The following C1orf162 variants were observed in gnomAD, a reference collection of about 807,000 sequenced individuals.
C1orf162 encodes the protein transmembrane protein C1orf162.
In C1orf162, 10 loss-of-function variants were observed where a neutral mutation model predicts 11.4. The observed-to-expected ratio is 0.88, with a 90% CI of 0.54 to 1.48. The LOEUF is 1.48. Among genes scored for constraint, C1orf162 ranks in the 40% most tolerant of loss-of-function variants. C1orf162 has a pLI of 0.00. For synonymous variants in C1orf162, 53 were observed against 55.0 expected, an observed-to-expected ratio of 0.96 and a Z score of 0.16; for missense variants, 140 against 149.5, an observed-to-expected ratio of 0.94 and a Z score of 0.33.
intron 4 of C1orf162, 76 bp from the exon 5 acceptor site, chr1:111,477,650 G>A: frequency 2.0e-6 from 3 of 1,510,118 alleles, no homozygotes; most frequent in Non-Finnish European, 2.7e-6. Context: ...CTTCACCCAA[G>A]ATCGAAGGGA....
intron 2 of C1orf162, 30 bp from the exon 3 acceptor site, chr1:111,476,768 T>C: frequency 6.2e-7 from 1 of 1,606,862 alleles, no homozygotes; most frequent in Non-Finnish European, 8.5e-7. Context: ...AAGTGACAGA[T>C]ACACTAATTC....
At position 111,478,077 on chromosome 1, in the gene C1orf162, C is replaced by G; in HGVS notation, c.347C>G (p.Ala116Gly). The G allele has an allele frequency of 6.2e-7, 1 of 1,614,176 alleles. No individual in the cohort carries two copies. The highest frequency in any genetic ancestry group is 1.1e-5 in the South Asian group (1 of 91,080). Residue 116 changes from alanine to glycine, a missense_variant, in exon 6 of 6, where the codon GCA becomes GGA. Physicochemically the swap from Ala to Gly is moderately conservative, Grantham distance 60. Coordinates refer to ENST00000369718, the MANE Select transcript of C1orf162 (RefSeq NM_001300834.2). ...KSNHLAENHS[A>G]DFDPIVYAQI... ...AATCACTTGGCTGAGAACCATTCTG[C>G]AGACTTTGACCCCATTGTCTATGCT...
At position 111,476,069 on chromosome 1, in the gene C1orf162, A is replaced by T. The variant is rs768168213; in HGVS notation, c.37+4A>T. 4 of 1,611,800 alleles carry T rather than the reference A, an allele frequency of 2.5e-6. No homozygotes were observed. Among genetic ancestry groups the T allele is most frequent in the Admixed American group, 3.3e-5 (2 of 59,980 alleles). ...TCCACATGTAAACCCGACACTGGTG[A>T]GTTTACGACAGGAATAATTACCTGC... On this transcript the variant is annotated splice_donor_region_variant and intron_variant, in intron 2 of 5. Coordinates refer to ENST00000369718, the MANE Select transcript of C1orf162 (RefSeq NM_001300834.2).
chr1:111,475,442 G>A (rs1335651767), intron 1 of C1orf162: 1 of 152,356 alleles, frequency 6.6e-6, no homozygotes, highest in Non-Finnish European at 1.5e-5. Flanking sequence ...AAGATAATAC[G>A]TGAACAGATT....
intron 5 of C1orf162, 98 bp from the exon 6 acceptor site, chr1:111,477,885 G>A: frequency 6.3e-7 from 1 of 1,595,190 alleles, no homozygotes; most frequent in Non-Finnish European, 8.6e-7. Context: ...CAGACACTGG[G>A]CAAGTGATTC....
At chr1:111,477,817 G>A (rs376550653) in intron 5 of C1orf162, 42 bp downstream of exon 5, 502 of 1,610,892 alleles carry the variant, frequency 3.1e-4, no homozygotes, top group Non-Finnish European at 3.7e-4. Context: ...AAGGGCTACC[G>A]TCATTGGAAT....
Position 111,476,778 on chromosome 1 carries a change from C to G in C1orf162, c.38-20C>G. 6.2e-7 allele frequency: 1 copy of G among 1,611,376 alleles called. No homozygotes were observed. The highest frequency in any genetic ancestry group is 8.5e-7 in the Non-Finnish European group (1 of 1,177,514). On this transcript the variant is annotated intron_variant, in intron 2 of 5. Transcript: ENST00000369718. Reference sequence around the variant, plus strand: ...ATGAAAAGTGACAGATACACTAATTCCTTTTGTGTTTTCTTGTAGAAAGAC... The same window carrying G: ...ATGAAAAGTGACAGATACACTAATTGCTTTTGTGTTTTCTTGTAGAAAGAC...
intron 1 of C1orf162, chr1:111,474,695 G>T (rs1360159609): frequency 2.0e-5 from 3 of 152,130 alleles, no homozygotes; most frequent in Non-Finnish European, 4.4e-5. Flanking sequence ...CTATTCTCAT[G>T]GCTCAGATTC....
rs770391879 is a variant in C1orf162, at chr1:111,476,084, T to A, written c.37+19T>A. 3.7e-6 allele frequency: 6 copies of A among 1,608,446 alleles called. No individual in the cohort carries two copies. In the South Asian group the frequency reaches 4.4e-5, roughly 12 times the overall value. ...GACACTGGTGAGTTTACGACAGGAATAATTACCTGCCTCACGTCTGAGTTA... is the reference window on the plus strand; with the variant it reads ...GACACTGGTGAGTTTACGACAGGAAAAATTACCTGCCTCACGTCTGAGTTA... On this transcript the variant is annotated intron_variant, in intron 2 of 5. Transcript: ENST00000369718.
chr1:111,478,210 G>T lies in C1orf162; in HGVS notation c.*87G>T. The T allele has an allele frequency of 6.6e-7, 1 of 1,524,312 alleles. No homozygotes were observed. The highest frequency in any genetic ancestry group is 9.0e-7 in the Non-Finnish European group (1 of 1,106,908). The allele number at this position is 1,524,312 out of a possible 1,614,324, so 94.4% of individuals were successfully genotyped here. ...CACTTTCACTTTTTTACAAATTTTG[G>T]ACCACCACCTGTGTGAAACTGCAGT... On this transcript the variant is annotated 3_prime_UTR_variant, in exon 6 of 6. Coordinates refer to ENST00000369718, the MANE Select transcript of C1orf162 (RefSeq NM_001300834.2).
rs1200155165 is a variant in C1orf162, at chr1:111,476,049, A to G, written c.21A>G (p.Thr7=). The change falls in exon 2 of 6, where the codon ACA becomes ACG. Residue 7 remains threonine, a synonymous_variant. Transcript: ENST00000369718. MGGNGS[T]CKPDTERQGT... is the part of the protein sequence containing the mutation. ...ACAGCATGGGAGGCAATGGCTCCAC[A>G]TGTAAACCCGACACTGGTGAGTTTA... is the stretch of plus-strand genomic sequence containing the variant. 20 of 1,613,270 alleles carry G rather than the reference A, an allele frequency of 1.2e-5. No individual in the cohort carries two copies. Among genetic ancestry groups the G allele is most frequent in the Admixed American group, 1.7e-5 (1 of 59,988 alleles).
chr1:111,478,503 A>C lies in C1orf162; in HGVS notation c.*380A>C, dbSNP rs879860281. 1.0e-5 allele frequency: 2 copies of C among 195,122 alleles called. No individual in the cohort carries two copies. The highest frequency in any genetic ancestry group is 4.7e-5 in the African/African-American group (2 of 42,978). The allele number at this position is 195,122 out of a possible 1,614,324, so 12.1% of individuals were successfully genotyped here. A position where few individuals can be genotyped will look rare whatever the true frequency, so the allele number is the denominator to read the frequency against. ...TACCAAAAATTTCAAATAAAGTCAA[A>C]CCCCCCACAGTGCTGCCTCCATCTT... is the stretch of plus-strand genomic sequence containing the variant. On this transcript the variant is annotated 3_prime_UTR_variant, in exon 6 of 6. Transcript: ENST00000369718.
Position 111,477,833 on chromosome 1 carries a change from T to C in C1orf162, c.252+58T>C, listed in dbSNP as rs1654051354. On this transcript the variant is annotated intron_variant, in intron 5 of 5. Transcript: ENST00000369718. ...AGGGCTACCGTCATTGGAATTCCCC[T>C]CCATACTCTTCATTATCTGCTAGAA... 6.9e-6 allele frequency: 11 copies of C among 1,602,448 alleles called. No individual in the cohort carries two copies. In the South Asian group the frequency reaches 7.7e-5, roughly 11 times the overall value.
rs2101772650 is a variant in C1orf162, at chr1:111,477,710, T to C, written c.203-16T>C. 1.2e-6 allele frequency: 2 copies of C among 1,613,792 alleles called. No individual in the cohort carries two copies. Among genetic ancestry groups the C allele is most frequent in the Admixed American group, 3.3e-5 (2 of 60,018 alleles). On this transcript the variant is annotated splice_polypyrimidine_tract_variant and intron_variant, in intron 4 of 5. Coordinates refer to ENST00000369718, the MANE Select transcript of C1orf162 (RefSeq NM_001300834.2). ...ATTGCTGAGATGGGTCCCTCTTCTT[T>C]CTGGCACCATGGCAGATCACTCCAA... is the stretch of plus-strand genomic sequence containing the variant.
At chr1:111,477,673 T>C (rs758955182) in intron 4 of C1orf162, 53 bp from the exon 5 acceptor site, 2 of 1,610,808 alleles carry the variant, frequency 1.2e-6, no homozygotes, top group South Asian at 1.1e-5. Context: ...GGCTTCCCAT[T>C]TCCCCAGGCC....
chr1:111,477,871 T>C, intron 5 of C1orf162, 96 bp downstream of exon 5: 1 of 1,596,504 alleles, frequency 6.3e-7, no homozygotes, highest in South Asian at 1.1e-5. Context: ...GTGGTATTGA[T>C]TTCCAGACAC....
intron 3 of C1orf162, chr1:111,477,110 T>G: frequency 1.6e-6 from 1 of 633,990 alleles, no homozygotes. Flanking sequence ...ATTATGAACA[T>G]TGTGTGGGTT....
In C1orf162 at chr1:111,477,982, G is replaced by A; in HGVS notation, c.253-1G>A. The A allele has an allele frequency of 1.2e-6, 2 of 1,614,108 alleles. No individual in the cohort carries two copies. The highest frequency in any genetic ancestry group is 1.7e-6 in the Non-Finnish European group (2 of 1,180,012). On this transcript the variant is annotated splice_acceptor_variant, in intron 5 of 5. Coordinates refer to ENST00000369718, the MANE Select transcript of C1orf162 (RefSeq NM_001300834.2). LOFTEE classifies it high-confidence loss of function. ...CATTCCTCCTTTTTCTCCCTCTGCA[G>A]CTTTCATCCATCCCAGGGGAATCAC...
chr1:111,477,714 G>A lies in C1orf162; in HGVS notation c.203-12G>A. 1 of 1,613,576 alleles carries A rather than the reference G, an allele frequency of 6.2e-7. No individual in the cohort carries two copies. Among genetic ancestry groups the A allele is most frequent in the Non-Finnish European group, 8.5e-7 (1 of 1,179,782 alleles). On this transcript the variant is annotated splice_polypyrimidine_tract_variant and intron_variant, in intron 4 of 5. Coordinates refer to ENST00000369718, the MANE Select transcript of C1orf162 (RefSeq NM_001300834.2). ...CTGAGATGGGTCCCTCTTCTTTCTGGCACCATGGCAGATCACTCCAAGCCC... is the reference window on the plus strand; with the variant it reads ...CTGAGATGGGTCCCTCTTCTTTCTGACACCATGGCAGATCACTCCAAGCCC...
Sources: allele counts gnomAD v4.1 joint callset, GRCh38; gene constraint gnomAD v4.1.1; transcripts MANE v1.5; gene names NCBI Gene and HGNC (gene_info 2026-07-23, HGNC 2026-07-21).